Variants in CDS1 observed in about 807,000 individuals in gnomAD.
CDS1 encodes the protein phosphatidate cytidylyltransferase 1.
Under a neutral mutation model 62.1 loss-of-function variants are expected in CDS1, and 41 were observed. The observed-to-expected ratio is 0.66, with a 90% CI of 0.51 to 0.86. CDS1 has a LOEUF of 0.86. Among genes scored for constraint, CDS1 ranks in the 40% least tolerant of loss-of-function variants. The pLI is 0.00. For synonymous variants in CDS1, 185 were observed against 192.6 expected (o/e 0.96, Z 0.32); for missense variants, 470 against 550.1 (o/e 0.85, Z 1.46).
chr4:84,607,740 T>A (rs556551250), intron 2 of CDS1, among the ~76,000 whole-genome samples: 16 of 151,538 alleles, frequency 1.1e-4, no homozygotes, highest in Middle Eastern at 3.4e-3. Context: ...TATTTTTTTT[T>A]AAAAAAAAGG....
At chr4:84,599,397 CACACACACATATATATATATATAT>C (rs1390766026) in intron 1 of CDS1, among the ~76,000 whole-genome samples, 1 of 13,150 alleles carries the variant, frequency 7.6e-5, no homozygotes, top group African/African-American at 1.9e-4. Context: ...AATTTTGACA[CACACACACATATATATATATATAT>C]ATATATATAT....
At chr4:84,594,159 TAAGAC>T (rs562365211) in intron 1 of CDS1, among the ~76,000 whole-genome samples, 105 of 152,232 alleles carry the variant, frequency 6.9e-4, no homozygotes, top group African/African-American at 2.4e-3. Context: ...TAAATTGACA[TAAGAC>T]AAGAGAAAAA....
At chr4:84,583,828 A>T (rs1288549666) in intron 1 of CDS1, among the ~76,000 whole-genome samples, 2 of 152,128 alleles carry the variant, frequency 1.3e-5, no homozygotes, top group Non-Finnish European at 2.9e-5. Flanking sequence ...CGCTGGAATC[A>T]GGAGGGAACC....
Position 84,583,467 on chromosome 4 carries a change from C to A in CDS1, c.66C>A (p.Arg22=). Residue 22 remains arginine, a synonymous_variant, in exon 1 of 13, where the codon CGC becomes CGA. Coordinates refer to ENST00000295887, the MANE Select transcript of CDS1 (RefSeq NM_001263.4). ...GGGAAGCGGTGTCGCCGCCACACCG[C>A]GAGGGAGAGGCGGCCGGCGGCGACC... ...GPREAVSPPH[R]EGEAAGGDHE... is the part of the protein sequence containing the mutation. 6.3e-7 allele frequency: 1 copy of A among 1,578,836 alleles called. No homozygotes were observed.
At chr4:84,606,877 TG>T (rs1005311906) in intron 2 of CDS1, among the ~76,000 whole-genome samples, 6 of 152,166 alleles carry the variant, frequency 3.9e-5, no homozygotes, top group African/African-American at 1.4e-4. Context: ...GACAGGATTT[TG>T]CCTTGGCTTG....
intron 1 of CDS1, among the ~76,000 whole-genome samples, chr4:84,593,271 G>A (rs1722645900): frequency 6.6e-6 from 1 of 152,088 alleles, no homozygotes; most frequent in Non-Finnish European, 1.5e-5. Flanking sequence ...GGTATACAAA[G>A]TATACAAGAA....
At chr4:84,609,880 G>A (rs1723263071) in intron 3 of CDS1, among the ~76,000 whole-genome samples, 1 of 152,038 alleles carries the variant, frequency 6.6e-6, no homozygotes, top group South Asian at 2.1e-4. Flanking sequence ...TAAGCTTGGA[G>A]TAGTGGTTCA....
At chr4:84,589,321 C>G (rs1420815774) in intron 1 of CDS1, among the ~76,000 whole-genome samples, 1 of 152,194 alleles carries the variant, frequency 6.6e-6, no homozygotes, top group Non-Finnish European at 1.5e-5. Context: ...CGAGATTCAA[C>G]ACTGCATTTA....
At chr4:84,584,528 T>G (rs1256731389) in intron 1 of CDS1, among the ~76,000 whole-genome samples, 1 of 152,220 alleles carries the variant, frequency 6.6e-6, no homozygotes, top group African/African-American at 2.4e-5. Flanking sequence ...AACTAGAATC[T>G]AAGTTTCCTG....
chr4:84,640,484 T>C (rs1466062076), intron 9 of CDS1, among the ~76,000 whole-genome samples: 1 of 152,122 alleles, frequency 6.6e-6, no homozygotes, highest in Non-Finnish European at 1.5e-5. Context: ...TTTTGTACTA[T>C]TTTATTGTAA....
At chr4:84,628,838 CTT>C (rs1331479467) in intron 5 of CDS1, among the ~76,000 whole-genome samples, 33 of 152,246 alleles carry the variant, frequency 2.2e-4, no homozygotes, top group African/African-American at 7.0e-4. Context: ...CCTGGATTCT[CTT>C]GTTATTTTTG....
At chr4:84,621,538 G>A (rs942722316) in intron 5 of CDS1, among the ~76,000 whole-genome samples, 3 of 152,022 alleles carry the variant, frequency 2.0e-5, no homozygotes, top group Non-Finnish European at 2.9e-5. Flanking sequence ...ATACATTTTC[G>A]AATAATTTTC....
chr4:84,645,491 G>A (rs538684804), intron 12 of CDS1, among the ~76,000 whole-genome samples, 166 bp downstream of exon 12: 1 of 152,250 alleles, frequency 6.6e-6, no homozygotes, highest in African/African-American at 2.4e-5. Context: ...ACTTGTAATT[G>A]TTTTACCTAC....
chr4:84,617,552 T>C lies in CDS1; in HGVS notation c.343-12T>C. 1 of 1,346,060 alleles carries C rather than the reference T, an allele frequency of 7.4e-7. No individual in the cohort carries two copies. The allele number at this position is 1,346,060 out of a possible 1,614,324, so 83.4% of individuals were successfully genotyped here. On this transcript the variant is annotated splice_polypyrimidine_tract_variant and intron_variant, in intron 3 of 12. Transcript: ENST00000295887. ...TTGAGAAATGTATGTTAATGTTTTC[T>C]CTTGGTTTCAGGTTCTGGGCATCCA...
Position 84,650,906 on chromosome 4 carries a change from C to T in CDS1, c.*2220C>T, listed in dbSNP as rs1304241366. The T allele has an allele frequency of 6.6e-6, 1 of 152,068 alleles. No individual in the cohort carries two copies. The highest frequency in any genetic ancestry group is 2.4e-5 in the African/African-American group (1 of 41,410). 9.4% of individuals were successfully genotyped at this position (152,068 alleles called of 1,614,324 possible). On this transcript the variant is annotated 3_prime_UTR_variant, in exon 13 of 13. Coordinates refer to ENST00000295887, the MANE Select transcript of CDS1 (RefSeq NM_001263.4). ...GACTTGGCTCATTTTGATATTTGCA[C>T]TGTGAAGAGGGCTTAAATTCCAATG... is the stretch of plus-strand genomic sequence containing the variant.
intron 2 of CDS1, 39 bp downstream of exon 2, chr4:84,604,409 G>A: frequency 6.3e-7 from 1 of 1,598,984 alleles, no homozygotes; most frequent in Non-Finnish European, 8.5e-7. Context: ...TAGTGCACAA[G>A]ATAGGCTTTG....
At chr4:84,604,993 G>A (rs185958454) in intron 2 of CDS1, among the ~76,000 whole-genome samples, 233 of 152,138 alleles carry the variant, frequency 1.5e-3, no homozygotes, top group African/African-American at 5.4e-3. Flanking sequence ...TTATATTTGT[G>A]CAACATTTAA....
In CDS1 at chr4:84,649,206, T is replaced by C. The variant is rs1190309747; in HGVS notation, c.*520T>C. 1 of 151,770 alleles carries C rather than the reference T, an allele frequency of 6.6e-6. No homozygotes were observed. Among genetic ancestry groups the C allele is most frequent in the African/African-American group, 2.4e-5 (1 of 41,342 alleles). The allele number at this position is 151,770 out of a possible 1,614,324, so 9.4% of individuals were successfully genotyped here. A position where few individuals can be genotyped will look rare whatever the true frequency, so the allele number is the denominator to read the frequency against. ...GGATTTAAAAAAAAAAAAAAAAGAT[T>C]GTCTACTTTTCAAAGAAGTAACCAT... is the stretch of plus-strand genomic sequence containing the variant. On this transcript the variant is annotated 3_prime_UTR_variant, in exon 13 of 13. Coordinates refer to ENST00000295887, the MANE Select transcript of CDS1 (RefSeq NM_001263.4).
chr4:84,646,498 T>C (rs1210493089), intron 12 of CDS1, among the ~76,000 whole-genome samples: 2 of 152,194 alleles, frequency 1.3e-5, no homozygotes, highest in African/African-American at 4.8e-5. Flanking sequence ...GTGATATTTG[T>C]ATTTTCATTA....
Sources: gnomAD v4.1 joint callset for allele counts (sites outside exome capture counted in the v4.1 genomes callset) on GRCh38, gnomAD v4.1.1 for gene constraint, MANE v1.5 for transcripts, NCBI Gene and HGNC (gene_info 2026-07-23, HGNC 2026-07-21) for gene names.